THSD7A: variants seen among roughly 807,000 people sequenced by gnomAD.
THSD7A encodes the protein thrombospondin type 1 domain containing 7A.
In THSD7A, 96 loss-of-function variants were observed where a neutral mutation model predicts 231.3. The ratio of observed to expected loss-of-function variants is 0.41; its 90% CI spans 0.35 to 0.49. The LOEUF (loss-of-function observed/expected upper bound fraction) is 0.49, where lower values mean the gene tolerates loss of function less well. THSD7A is among the 20% of genes least tolerant of loss of function. The pLI, the probability that THSD7A is intolerant of heterozygous loss-of-function variation, is 0.05. For missense variants in THSD7A, 2,290 were observed against 2,070.2 expected (o/e 1.11, Z -2.06); for synonymous variants, 940 against 743.3 (o/e 1.26, Z -4.30).
rs1384814708 is a variant in THSD7A at position 11,637,889 on chromosome 7, T to C, written c.191-928A>G. On this transcript the variant is annotated intron_variant, in intron 1 of 27. Coordinates refer to ENST00000423059, the MANE Select transcript of THSD7A (RefSeq NM_015204.3). The surrounding 1 kb of genome is among the most constrained non-coding windows in gnomAD (Gnocchi z 4.2). ...CAGTACTTTAATAGACAGATCCCAA[T>C]TTACGAAATTGAGAATTGTATTATT... is the stretch of plus-strand genomic sequence containing the variant. Among the ~76,000 whole-genome samples the C allele has an allele frequency of 2.0e-5, 3 of 152,214 alleles. No homozygotes were observed. Among genetic ancestry groups the C allele is most frequent in the Non-Finnish European group, 2.9e-5 (2 of 68,036 alleles).
intron 11 of THSD7A, among the ~76,000 whole-genome samples, chr7:11,449,917 A>G (rs1785090506): frequency 6.6e-6 from 1 of 152,086 alleles, no homozygotes; most frequent in Admixed American, 6.6e-5. Context: ...AAGACATCTG[A>G]TCATATGAGA....
intron 1 of THSD7A, among the ~76,000 whole-genome samples, chr7:11,782,530 A>C (rs1025617818): frequency 8.5e-5 from 13 of 152,190 alleles, no homozygotes; most frequent in Admixed American, 6.5e-5. Flanking sequence ...TAGCCCTAGG[A>C]ATGACAGAAA....
intron 1 of THSD7A, among the ~76,000 whole-genome samples, chr7:11,803,712 A>G (rs1178996275): frequency 2.0e-5 from 3 of 152,118 alleles, no homozygotes; most frequent in Non-Finnish European, 2.9e-5. Context: ...AATTCTATGT[A>G]TTGTTTCTCA....
intron 6 of THSD7A, among the ~76,000 whole-genome samples, chr7:11,485,122 C>T (rs1022666472): frequency 2.0e-5 from 3 of 151,922 alleles, no homozygotes; most frequent in Non-Finnish European, 2.9e-5. Context: ...AACTCCTGAC[C>T]TCATGATCTG....
chr7:11,699,488 G>T (rs1780511419), intron 1 of THSD7A, among the ~76,000 whole-genome samples: 1 of 151,028 alleles, frequency 6.6e-6, no homozygotes, highest in African/African-American at 2.4e-5. Context: ...TTTGTTTGGG[G>T]TTTTCTGATT....
chr7:11,756,504 T>C (rs919653721), intron 1 of THSD7A, among the ~76,000 whole-genome samples: 4 of 152,098 alleles, frequency 2.6e-5, no homozygotes, highest in African/African-American at 7.2e-5. Context: ...AAGTGTCTAA[T>C]GCACTTGTTT....
chr7:11,390,288 G>A (rs1208320048), intron 23 of THSD7A, among the ~76,000 whole-genome samples: 1 of 152,070 alleles, frequency 6.6e-6, no homozygotes, highest in Non-Finnish European at 1.5e-5. Context: ...TTTCTTGGAG[G>A]CTTTGTTTGT....
At chr7:11,629,135 C>T (rs1487673239) in intron 2 of THSD7A, among the ~76,000 whole-genome samples, 3 of 152,158 alleles carry the variant, frequency 2.0e-5, no homozygotes, top group Non-Finnish European at 2.9e-5. Context: ...ATCTGATATA[C>T]TGCTGCTTTC....
intron 1 of THSD7A, among the ~76,000 whole-genome samples, chr7:11,818,895 A>G (rs1784788631): frequency 6.6e-6 from 1 of 152,068 alleles, no homozygotes; most frequent in Non-Finnish European, 1.5e-5. Flanking sequence ...TTATTGAACA[A>G]TTATCTTCAG....
rs544454130 is a variant in THSD7A, at chr7:11,816,659, G to T, written c.190+15098C>A. On this transcript the variant is annotated intron_variant, in intron 1 of 27. Coordinates refer to ENST00000423059, the MANE Select transcript of THSD7A (RefSeq NM_015204.3). The stretch of plus-strand genomic sequence containing the variant: ...CTTTTATAATAGCTTTTATGAGTGG[G>T]TTATTGAGGAACATAAGCTTGGCAC... 7.9e-5 allele frequency among the ~76,000 whole-genome samples: 12 copies of T among 152,214 alleles called. No individual in the cohort carries two copies. The South Asian group carries it at 1.2e-3, about 16-fold the overall frequency.
At chr7:11,426,626 A>T in intron 15 of THSD7A, 40 bp downstream of exon 15, 1 of 1,526,934 alleles carries the variant, frequency 6.5e-7, no homozygotes, top group Non-Finnish European at 8.7e-7. Context: ...TTAAGAAAAG[A>T]AGGATTCTAT....
chr7:11,789,827 T>C (rs1167832139), intron 1 of THSD7A, among the ~76,000 whole-genome samples: 1 of 152,004 alleles, frequency 6.6e-6, no homozygotes, highest in African/African-American at 2.4e-5. Context: ...CTTTTGGCAC[T>C]GGATGCATAA....
chr7:11,550,190 AT>A (rs1288100890), intron 4 of THSD7A, among the ~76,000 whole-genome samples: 4 of 152,154 alleles, frequency 2.6e-5, no homozygotes, highest in Non-Finnish European at 5.9e-5. Context: ...CCATACACCA[AT>A]AACATCCAAG....
chr7:11,478,250 G>C (rs1299094720), intron 7 of THSD7A, among the ~76,000 whole-genome samples: 1 of 152,182 alleles, frequency 6.6e-6, no homozygotes, highest in African/African-American at 2.4e-5. Flanking sequence ...GTGTCTGGCT[G>C]TGACACCCCA....
intron 26 of THSD7A, chr7:11,378,827 G>A: frequency 6.2e-6 from 3 of 482,012 alleles, no homozygotes; most frequent in Non-Finnish European, 1.1e-5. Flanking sequence ...GAATTGAATT[G>A]AATTATATTG....
chr7:11,783,000 T>G (rs200929667), intron 1 of THSD7A, among the ~76,000 whole-genome samples: 2 of 152,212 alleles, frequency 1.3e-5, no homozygotes, highest in Admixed American at 6.5e-5. Flanking sequence ...ATGATTTGAG[T>G]GTGCGAACCA....
chr7:11,445,701 C>A (rs771168610), intron 13 of THSD7A, among the ~76,000 whole-genome samples: 11 of 151,992 alleles, frequency 7.2e-5, no homozygotes, highest in Non-Finnish European at 1.6e-4. Flanking sequence ...ATCTTATTTC[C>A]TCCTTACTCC....
At chr7:11,693,112 C>T (rs116075966) in intron 1 of THSD7A, among the ~76,000 whole-genome samples, 1 of 151,466 alleles carries the variant, frequency 6.6e-6, no homozygotes, top group Non-Finnish European at 1.5e-5. Context: ...AGAATATAAA[C>T]TTGTCCCTAA....
At position 11,424,710 on chromosome 7, in the gene THSD7A, T is replaced by A; in HGVS notation, c.3369A>T (p.Gln1123His). 1 of 1,613,968 alleles carries A rather than the reference T, an allele frequency of 6.2e-7. No homozygotes were observed. The highest frequency in any genetic ancestry group is 8.5e-7 in the Non-Finnish European group (1 of 1,179,872). The change falls in exon 16 of 28, where the codon CAA (glutamine) becomes CAT (histidine). Residue 1123 changes from glutamine to histidine, a missense_variant. Coordinates refer to ENST00000423059, the MANE Select transcript of THSD7A (RefSeq NM_015204.3). ...CTTTGTCTTACCTCACTTTTCGGGTTTGCACGCCCTCTCCACAGTTCTCCC... is the reference window on the plus strand; with the variant it reads ...CTTTGTCTTACCTCACTTTTCGGGTATGCACGCCCTCTCCACAGTTCTCCC... ...NMRENCGEGVQTRKVRCMQNT... is the reference protein window; with the variant it reads ...NMRENCGEGVHTRKVRCMQNT...
Sources: allele counts gnomAD v4.1 joint callset (sites outside exome capture counted in the v4.1 genomes callset), GRCh38; gene constraint gnomAD v4.1.1; non-coding constraint Gnocchi (gnomAD v3.1); transcripts MANE v1.5; gene names NCBI Gene and HGNC (gene_info 2026-07-23, HGNC 2026-07-21).